Variants in AFG2A observed in about 807,000 individuals in gnomAD.
AFG2A encodes ATPase family gene 2 protein homolog A.
chr4:123,041,554 G>A, the AFG2A span, among the ~76,000 whole-genome samples: 1 of 151,452 alleles, frequency 6.6e-6, no homozygotes, highest in African/African-American at 2.4e-5. Flanking sequence ...TTTTTGAGAC[G>A]GAGTTTCGCT....
the AFG2A span, among the ~76,000 whole-genome samples, chr4:123,092,947 G>T: frequency 1.3e-5 from 2 of 152,266 alleles, no homozygotes; most frequent in South Asian, 4.1e-4. Context: ...CCTTTGGAGG[G>T]CTCATCTAAT....
chr4:122,986,523 C>T, the AFG2A span, among the ~76,000 whole-genome samples: 9 of 152,106 alleles, frequency 5.9e-5, no homozygotes, highest in Non-Finnish European at 1.0e-4. Flanking sequence ...CATATGTTCT[C>T]ACTGATATGT....
At chr4:123,224,035 A>G in the AFG2A span, among the ~76,000 whole-genome samples, 2 of 152,046 alleles carry the variant, frequency 1.3e-5, no homozygotes, top group African/African-American at 2.4e-5. Context: ...TTTCTGTAGG[A>G]GTTTTACAGC....
At chr4:123,190,179 CA>C in the AFG2A span, among the ~76,000 whole-genome samples, 1 of 152,062 alleles carries the variant, frequency 6.6e-6, no homozygotes, top group South Asian at 2.1e-4. Context: ...ATTCTCTTTT[CA>C]AAAATGTGTA....
At chr4:122,977,475 A>G in the AFG2A span, among the ~76,000 whole-genome samples, 257 of 152,328 alleles carry the variant, frequency 1.7e-3, 5 homozygotes, top group East Asian at 0.041. Flanking sequence ...CGTGGGCACC[A>G]GGTAACGTGG....
the AFG2A span, among the ~76,000 whole-genome samples, chr4:122,948,784 G>T: frequency 1.4e-4 from 22 of 151,932 alleles, 1 homozygote; most frequent in South Asian, 2.1e-3. Context: ...CTTCCACATG[G>T]CAACCTCCTT....
At chr4:122,927,908 C>T in the AFG2A span, 1 of 1,115,964 alleles carries the variant, frequency 9.0e-7, no homozygotes, top group Admixed American at 3.1e-5. Flanking sequence ...GATGCTTAGC[C>T]AGTAAACATA....
chr4:122,962,145 C>G, the AFG2A span, among the ~76,000 whole-genome samples: 1 of 152,186 alleles, frequency 6.6e-6, no homozygotes. Context: ...TACTGCTGAC[C>G]TGATAGGAGG....
the AFG2A span, among the ~76,000 whole-genome samples, chr4:123,025,320 T>C: frequency 6.6e-6 from 1 of 152,200 alleles, no homozygotes. Context: ...CTTACCTGCC[T>C]TGAGAGAACC....
the AFG2A span, among the ~76,000 whole-genome samples, chr4:123,241,609 A>G: frequency 1.5e-3 from 232 of 152,300 alleles, no homozygotes; most frequent in Non-Finnish European, 2.9e-3. Flanking sequence ...CTCTCAATAA[A>G]CTAGGTATTG....
At chr4:123,216,254 G>A in the AFG2A span, among the ~76,000 whole-genome samples, 9 of 152,054 alleles carry the variant, frequency 5.9e-5, no homozygotes, top group East Asian at 1.9e-4. Flanking sequence ...TTTTTTAAAC[G>A]TATGTAGATA....
the AFG2A span, among the ~76,000 whole-genome samples, chr4:123,234,750 G>A: frequency 2.0e-5 from 3 of 152,120 alleles, no homozygotes; most frequent in African/African-American, 7.2e-5. Flanking sequence ...ACTTTTGACT[G>A]AGTATTCATA....
the AFG2A span, among the ~76,000 whole-genome samples, chr4:123,208,304 G>C: frequency 6.6e-6 from 1 of 152,046 alleles, no homozygotes. Context: ...ATGGATCAGT[G>C]GCCTAAATAT....
chr4:123,043,797 G>T, the AFG2A span, among the ~76,000 whole-genome samples: 3 of 152,188 alleles, frequency 2.0e-5, no homozygotes, highest in Admixed American at 6.5e-5. Context: ...AGACAAATAA[G>T]CATAAACTTT....
the AFG2A span, among the ~76,000 whole-genome samples, chr4:122,977,883 A>G: frequency 6.6e-6 from 1 of 151,816 alleles, no homozygotes; most frequent in South Asian, 2.1e-4. Flanking sequence ...TGGAGGGGGT[A>G]GCTGCTGTCC....
the AFG2A span, among the ~76,000 whole-genome samples, chr4:123,235,225 T>A: frequency 1.3e-5 from 2 of 152,150 alleles, no homozygotes; most frequent in Admixed American, 1.3e-4. Context: ...GGAAGAAAAT[T>A]TAGAAACATA....
At chr4:123,175,707 G>A in the AFG2A span, among the ~76,000 whole-genome samples, 1 of 152,236 alleles carries the variant, frequency 6.6e-6, no homozygotes, top group Non-Finnish European at 1.5e-5. Flanking sequence ...TACTGTGGAA[G>A]TGTTTCTGGT....
At chr4:123,023,607 C>G in the AFG2A span, among the ~76,000 whole-genome samples, 1 of 151,956 alleles carries the variant, frequency 6.6e-6, no homozygotes, top group African/African-American at 2.4e-5. Context: ...AATTATTTAC[C>G]TTTTCCACAC....
chr4:123,145,769 G>C, the AFG2A span, among the ~76,000 whole-genome samples: 1 of 151,888 alleles, frequency 6.6e-6, no homozygotes, highest in Non-Finnish European at 1.5e-5. Context: ...ATATCCTTTT[G>C]GTATATTGGT....
Sources: allele counts gnomAD v4.1 joint callset (sites outside exome capture counted in the v4.1 genomes callset), GRCh38; gene constraint gnomAD v4.1.1; transcripts MANE v1.5; gene names NCBI Gene and HGNC (gene_info 2026-07-23, HGNC 2026-07-21).